The following PAPPA2 variants were observed in gnomAD, a reference collection of about 807,000 sequenced individuals.
PAPPA2 encodes the protein pappalysin 2.
Under a neutral mutation model 176.4 loss-of-function variants are expected in PAPPA2, and 86 were observed. That is an observed-to-expected ratio of 0.49 (90% CI 0.41 to 0.58). The LOEUF (loss-of-function observed/expected upper bound fraction) is 0.58. Ranked by LOEUF, PAPPA2 falls within the 20% of genes least tolerant of loss-of-function variation. PAPPA2 has a pLI of 0.00. For synonymous variants in PAPPA2, 809 were observed against 852.2 expected (o/e 0.95, Z 0.88); for missense variants, 2,073 against 2,256.9 (o/e 0.92, Z 1.65).
At chr1:176,539,939 A>G (rs1650280090) in intron 1 of PAPPA2, among the ~76,000 whole-genome samples, 1 of 152,206 alleles carries the variant, frequency 6.6e-6, no homozygotes, top group South Asian at 2.1e-4. Flanking sequence ...TTCAAATAGT[A>G]TTTGTTTTCA....
intron 3 of PAPPA2, among the ~76,000 whole-genome samples, chr1:176,599,021 A>T (rs901406793): frequency 1.3e-4 from 20 of 152,114 alleles, no homozygotes; most frequent in Non-Finnish European, 5.9e-5. Context: ...CTTCCTACAA[A>T]ATTGATAGTT....
chr1:176,749,210 C>T (rs1321585185), intron 14 of PAPPA2, among the ~76,000 whole-genome samples: 1 of 152,092 alleles, frequency 6.6e-6, no homozygotes, highest in Admixed American at 6.6e-5. Context: ...ATTATAAAAC[C>T]AATTTGTAAA....
At position 176,695,829 on chromosome 1, in the gene PAPPA2, T is replaced by A. The variant is rs760112836; in HGVS notation, c.2716T>A (p.Ser906Thr). 1.2e-6 allele frequency: 2 copies of A among 1,613,944 alleles called. No homozygotes were observed. The change falls in exon 7 of 23, where the codon TCA (serine) becomes ACA (threonine). Residue 906 changes from serine (S) to threonine (T), a missense_variant. By Grantham distance (58) the Ser-to-Thr change is moderately conservative (BLOSUM62 1). Around this residue, in one of 4 missense-constraint regions of PAPPA2, gnomAD observed 1,196 missense variants for 1,330.4 expected, o/e 0.90. Coordinates refer to ENST00000367662, the MANE Select transcript of PAPPA2 (RefSeq NM_020318.3). ...TASSRRVCDS[S>T]GYWTPEEAVG... Reference sequence around the variant, plus strand: ...TTCCTCCCGGCGGGTGTGTGACTCCTCAGGTTATTGGACCCCAGAGGAGGC... The same window carrying A: ...TTCCTCCCGGCGGGTGTGTGACTCCACAGGTTATTGGACCCCAGAGGAGGC...
At chr1:176,498,979 A>T (rs1309018089) in intron 1 of PAPPA2, among the ~76,000 whole-genome samples, 1 of 151,414 alleles carries the variant, frequency 6.6e-6, no homozygotes, top group Non-Finnish European at 1.5e-5. Context: ...CTCTCCCTTC[A>T]TTCTTATTTC....
At chr1:176,775,009 T>C (rs1455051795) in intron 17 of PAPPA2, among the ~76,000 whole-genome samples, 2 of 152,124 alleles carry the variant, frequency 1.3e-5, no homozygotes, top group African/African-American at 2.4e-5. Context: ...GACCTTTTGC[T>C]TGACTAACTC....
intron 3 of PAPPA2, among the ~76,000 whole-genome samples, chr1:176,600,541 T>G (rs1386201931): frequency 1.3e-5 from 2 of 151,008 alleles, no homozygotes; most frequent in Non-Finnish European, 2.9e-5. Context: ...CCGGGCGTGG[T>G]AGCGGGCGCC....
At chr1:176,551,612 A>T (rs1049440967) in intron 1 of PAPPA2, among the ~76,000 whole-genome samples, 3 of 151,876 alleles carry the variant, frequency 2.0e-5, no homozygotes, top group Admixed American at 6.6e-5. Flanking sequence ...AATAATAATG[A>T]TGACAAAGCT....
intron 11 of PAPPA2, among the ~76,000 whole-genome samples, 157 bp downstream of exon 11, chr1:176,710,333 C>T (rs2102833482): frequency 6.6e-6 from 1 of 152,254 alleles, no homozygotes. Context: ...ATTGCTATTA[C>T]AATTACATGA....
chr1:176,512,328 GA>G (rs1471769217), intron 1 of PAPPA2, among the ~76,000 whole-genome samples: 1 of 151,734 alleles, frequency 6.6e-6, no homozygotes, highest in Non-Finnish European at 1.5e-5. Flanking sequence ...CACCAGTTTG[GA>G]AAAAAGTTTG....
At chr1:176,491,976 C>T (rs1006935586) in intron 1 of PAPPA2, among the ~76,000 whole-genome samples, 3 of 152,218 alleles carry the variant, frequency 2.0e-5, no homozygotes, top group South Asian at 2.1e-4. Context: ...AGAACCCAGG[C>T]TCTTTAATTC....
chr1:176,475,109 GAA>G (rs1162789474), intron 1 of PAPPA2, among the ~76,000 whole-genome samples: 1 of 152,140 alleles, frequency 6.6e-6, no homozygotes, highest in African/African-American at 2.4e-5. Context: ...AATCAACAGA[GAA>G]TGAATTTACA....
chr1:176,745,840 C>T (rs1371812918), intron 14 of PAPPA2, among the ~76,000 whole-genome samples: 1 of 152,142 alleles, frequency 6.6e-6, no homozygotes, highest in Non-Finnish European at 1.5e-5. Flanking sequence ...AGAAAATGCT[C>T]ACTGGGGTGC....
intron 20 of PAPPA2, among the ~76,000 whole-genome samples, chr1:176,799,087 A>G (rs976502417): frequency 9.9e-5 from 15 of 152,144 alleles, no homozygotes; most frequent in Non-Finnish European, 1.9e-4. Context: ...GTTGCCATGT[A>G]TTCTTTTTCT....
intron 3 of PAPPA2, among the ~76,000 whole-genome samples, chr1:176,601,973 C>G (rs1444575535): frequency 3.9e-5 from 6 of 152,148 alleles, no homozygotes; most frequent in Non-Finnish European, 7.4e-5. Context: ...CTCTGCTTGT[C>G]TCTCTTTTTT....
intron 21 of PAPPA2, among the ~76,000 whole-genome samples, chr1:176,817,882 G>T (rs1043373631): frequency 6.6e-6 from 1 of 152,118 alleles, no homozygotes; most frequent in Non-Finnish European, 1.5e-5. Context: ...TGAGAAAGGA[G>T]GAACGTATGG....
chr1:176,500,440 TAAAAG>T (rs553991289), intron 1 of PAPPA2, among the ~76,000 whole-genome samples: 27 of 149,834 alleles, frequency 1.8e-4, no homozygotes, highest in Non-Finnish European at 3.6e-4. Context: ...AATTGAATTT[TAAAAG>T]AAAAGTTAAA....
At chr1:176,538,639 A>C (rs1202505864) in intron 1 of PAPPA2, among the ~76,000 whole-genome samples, 1 of 152,112 alleles carries the variant, frequency 6.6e-6, no homozygotes, top group Non-Finnish European at 1.5e-5. Context: ...AGTTTTCTTC[A>C]GTCTCTTTCT....
intron 3 of PAPPA2, among the ~76,000 whole-genome samples, chr1:176,637,007 G>A (rs893863316): frequency 5.9e-5 from 9 of 152,080 alleles, no homozygotes; most frequent in Non-Finnish European, 2.9e-5. Flanking sequence ...TGAAGAGGTA[G>A]GAATTAGATT....
chr1:176,841,179 A>G (rs1667476356), intron 22 of PAPPA2, among the ~76,000 whole-genome samples: 1 of 152,166 alleles, frequency 6.6e-6, no homozygotes, highest in Non-Finnish European at 1.5e-5. Flanking sequence ...GAAACAGATC[A>G]AGAGCTTGGA....
Sources: allele counts gnomAD v4.1 joint callset (sites outside exome capture counted in the v4.1 genomes callset), GRCh38; gene constraint gnomAD v4.1.1; regional missense constraint gnomAD v4.1.1; transcripts MANE v1.5; gene names NCBI Gene and HGNC (gene_info 2026-07-23, HGNC 2026-07-21).